Variants in LRP1B observed in about 807,000 individuals in gnomAD.
The protein encoded by LRP1B is LDL receptor related protein 1B.
Under a neutral mutation model 556.6 loss-of-function variants are expected in LRP1B, and 217 were observed. That is an observed-to-expected ratio of 0.39 (90% confidence interval 0.35 to 0.44). LRP1B has a LOEUF of 0.44. Ranked by LOEUF, LRP1B falls within the 20% of genes least tolerant of loss-of-function variation. The pLI, the probability that LRP1B is intolerant of heterozygous loss-of-function variation, is 1.00. For missense variants in LRP1B, 5,053 were observed against 5,620.8 expected, an observed-to-expected ratio of 0.90 and a Z score of 3.23; for synonymous variants, 2,047 against 1,865.8, an observed-to-expected ratio of 1.10 and a Z score of -2.50.
In LRP1B at chr2:141,810,281, G is replaced by A. The variant is rs777264033; in HGVS notation, c.203C>T (p.Thr68Ile). The change falls in exon 2 of 91, where the codon ACC (threonine) becomes ATC (isoleucine). Residue 68 changes from threonine to isoleucine, a missense_variant and splice_region_variant. By Grantham distance (89) the Thr-to-Ile change is moderately conservative. Around this residue, in one of 5 missense-constraint regions of LRP1B, gnomAD observed 3,619 missense variants for 3,931.9 expected, o/e 0.92. Coordinates refer to ENST00000389484, the MANE Select transcript of LRP1B (RefSeq NM_018557.3). ...GGCATGAGAACCTTTCTACTCACAG[G>A]TATCTAAAGACTCGTCTGAATCATC... The part of the protein sequence containing the change: ...CPDDSDESLD[T>I]CPEEVEIKCP... 7.4e-6 allele frequency: 12 copies of A among 1,612,796 alleles called. No individual in the cohort carries two copies. The Admixed American group carries it at 2.0e-4, about 27-fold the overall frequency.
intron 66 of LRP1B, among the ~76,000 whole-genome samples, chr2:140,423,369 T>A (rs1685527551): frequency 6.6e-6 from 1 of 152,076 alleles, no homozygotes; most frequent in Non-Finnish European, 1.5e-5. Flanking sequence ...AAGGAAAGCT[T>A]TTTTTTAATT....
intron 1 of LRP1B, among the ~76,000 whole-genome samples, chr2:142,030,750 C>T (rs757522588): frequency 6.6e-6 from 1 of 151,762 alleles, no homozygotes; most frequent in Non-Finnish European, 1.5e-5. Flanking sequence ...GCCTGGGACT[C>T]ATGACCTAGA....
At chr2:141,616,232 A>T (rs1203062683) in intron 2 of LRP1B, among the ~76,000 whole-genome samples, 4 of 151,780 alleles carry the variant, frequency 2.6e-5, no homozygotes, top group Non-Finnish European at 5.9e-5. Context: ...CAGTGAGCTG[A>T]GATTGCACCA....
chr2:140,233,273 G>A lies in LRP1B; in HGVS notation c.13713C>T (p.Asn4571=), dbSNP rs533912382. 19 of 1,605,416 alleles carry A rather than the reference G, an allele frequency of 1.2e-5. No homozygotes were observed. In the South Asian group the frequency reaches 2.0e-4, roughly 17 times the overall value. Residue 4571 remains asparagine, a synonymous_variant, in exon 91 of 91, where the codon AAC becomes AAT. Transcript: ENST00000389484. ...CAACACTTCCTAAGGAGTTTCGACA[G>A]TTTTGCCCATCCATATATAATTTTG... The part of the protein sequence containing the change: ...VYAKLYMDGQ[N]CRNSLGSVDE...
chr2:140,751,399 G>T (rs967460158), intron 35 of LRP1B, among the ~76,000 whole-genome samples: 3 of 152,172 alleles, frequency 2.0e-5, no homozygotes, highest in Non-Finnish European at 2.9e-5. Context: ...GTTTTTTAAA[G>T]TTGAAGAAAT....
At chr2:141,741,523 G>A (rs62168661) in intron 2 of LRP1B, among the ~76,000 whole-genome samples, 7,990 of 151,816 alleles carry the variant, frequency 0.053, 246 homozygotes, top group South Asian at 0.12. Context: ...TTGTAGTTTT[G>A]ATTTGCATTT....
At chr2:141,804,002 A>G (rs1046078387) in intron 2 of LRP1B, among the ~76,000 whole-genome samples, 7 of 152,074 alleles carry the variant, frequency 4.6e-5, no homozygotes, top group African/African-American at 1.7e-4. Context: ...AGACATTTTC[A>G]TTTTTCATAG....
At chr2:141,934,336 A>G (rs535141695) in intron 1 of LRP1B, among the ~76,000 whole-genome samples, 65 of 152,252 alleles carry the variant, frequency 4.3e-4, no homozygotes, top group Non-Finnish European at 7.5e-4. Flanking sequence ...ACAATGTATT[A>G]AAAGAAATGT....
At chr2:140,961,726 A>G (rs1036956365) in intron 18 of LRP1B, among the ~76,000 whole-genome samples, 4 of 152,096 alleles carry the variant, frequency 2.6e-5, no homozygotes, top group Non-Finnish European at 5.9e-5. Context: ...ATTATTTTCT[A>G]TAAAGCTGTG....
At chr2:141,202,137 T>C (rs933818548) in intron 6 of LRP1B, among the ~76,000 whole-genome samples, 2 of 152,106 alleles carry the variant, frequency 1.3e-5, no homozygotes, top group Admixed American at 1.3e-4. Context: ...CAGGCCTCAG[T>C]GTGTTGTTGC....
At chr2:140,384,787 A>C in intron 67 of LRP1B, among the ~76,000 whole-genome samples, 1 of 152,212 alleles carries the variant, frequency 6.6e-6, no homozygotes, top group East Asian at 1.9e-4. Flanking sequence ...GAATGCTCTT[A>C]GTCCAATGAG....
chr2:140,808,566 C>G (rs1690808950), intron 32 of LRP1B, among the ~76,000 whole-genome samples: 1 of 152,070 alleles, frequency 6.6e-6, no homozygotes. Flanking sequence ...TATTTTTTCC[C>G]TTAATATTCA....
intron 1 of LRP1B, among the ~76,000 whole-genome samples, chr2:141,920,247 ATC>A (rs1177287357): frequency 8.5e-6 from 1 of 117,668 alleles, no homozygotes; most frequent in Non-Finnish European, 1.7e-5. Flanking sequence ...CAGGATGGTG[ATC>A]TCTGTTTCAA....
intron 1 of LRP1B, among the ~76,000 whole-genome samples, chr2:141,861,925 A>T (rs533676390): frequency 6.7e-6 from 1 of 148,328 alleles, no homozygotes; most frequent in South Asian, 2.3e-4. Flanking sequence ...GTGAGACTCC[A>T]TCTCAAAAAA....
At chr2:140,527,119 A>T (rs1475207826) in intron 47 of LRP1B, among the ~76,000 whole-genome samples, 1 of 151,972 alleles carries the variant, frequency 6.6e-6, no homozygotes, top group Non-Finnish European at 1.5e-5. Flanking sequence ...TAGATTCAAT[A>T]TGCTATTGTC....
intron 7 of LRP1B, among the ~76,000 whole-genome samples, chr2:141,143,272 CT>C (rs1431980035): frequency 6.6e-6 from 1 of 152,040 alleles, no homozygotes; most frequent in Non-Finnish European, 1.5e-5. Flanking sequence ...GGCCTTTTCT[CT>C]ATATCTTTGC....
chr2:140,236,991 T>G (rs578039648), intron 89 of LRP1B, among the ~76,000 whole-genome samples: 37 of 151,014 alleles, frequency 2.5e-4, no homozygotes, highest in Non-Finnish European at 4.9e-4. Context: ...AGCATATCTA[T>G]CACCTCATAC....
intron 1 of LRP1B, among the ~76,000 whole-genome samples, chr2:141,852,910 A>C (rs1250513490): frequency 6.6e-6 from 1 of 151,690 alleles, no homozygotes; most frequent in African/African-American, 2.4e-5. Context: ...AAAGAAATGA[A>C]AAAAACTTTG....
At chr2:141,862,251 T>G (rs894252327) in intron 1 of LRP1B, among the ~76,000 whole-genome samples, 1 of 152,178 alleles carries the variant, frequency 6.6e-6, no homozygotes, top group African/African-American at 2.4e-5. Flanking sequence ...CTCTAATTTC[T>G]CCACAGAAAC....
Sources: gnomAD v4.1 joint callset for allele counts (sites outside exome capture counted in the v4.1 genomes callset) on GRCh38, gnomAD v4.1.1 for gene constraint, gnomAD v4.1.1 regional missense constraint, MANE v1.5 for transcripts, NCBI Gene and HGNC (gene_info 2026-07-23, HGNC 2026-07-21) for gene names.